Variants in PLSCR2 observed in about 807,000 individuals in gnomAD.
PLSCR2 encodes phospholipid scramblase 2.
In PLSCR2, 18 loss-of-function variants were observed where a neutral mutation model predicts 25.3. The observed-to-expected ratio is 0.71, with a 90% CI of 0.49 to 1.06. The LOEUF (loss-of-function observed/expected upper bound fraction) is 1.06, where lower values mean the gene tolerates loss of function less well. Among genes scored for constraint, PLSCR2 ranks in the 50% least tolerant of loss-of-function variants. The pLI is 0.00. For missense variants in PLSCR2, 243 were observed against 269.5 expected, an observed-to-expected ratio of 0.90 and a Z score of 0.69; for synonymous variants, 88 against 87.3, an observed-to-expected ratio of 1.01 and a Z score of -0.04.
intron 2 of PLSCR2, among the ~76,000 whole-genome samples, chr3:146,413,045 C>T (rs1417880664): frequency 1.3e-5 from 2 of 152,154 alleles, no homozygotes; most frequent in Non-Finnish European, 2.9e-5. Context: ...GAGAGCTGAA[C>T]ATACTAACAT....
chr3:146,479,872 TA>T (rs1275409036), intron 1 of PLSCR2, among the ~76,000 whole-genome samples: 1 of 152,110 alleles, frequency 6.6e-6, no homozygotes, highest in African/African-American at 2.4e-5. Context: ...AGAAGAGAAA[TA>T]ACAACCAACT....
intron 1 of PLSCR2, among the ~76,000 whole-genome samples, chr3:146,483,447 A>ACG (rs2043209017): frequency 1.8e-5 from 1 of 55,526 alleles, no homozygotes; most frequent in Non-Finnish European, 3.5e-5. Context: ...ATATATACAC[A>ACG]TGTATGTATA....
At chr3:146,449,442 A>G (rs561384466) in intron 5 of PLSCR2, 75 bp from the exon 6 acceptor site, 2 of 970,082 alleles carry the variant, frequency 2.1e-6, no homozygotes, top group East Asian at 2.4e-5. Context: ...CACTGGAGTA[A>G]AAGGAAGGAA....
intron 1 of PLSCR2, among the ~76,000 whole-genome samples, chr3:146,481,489 A>G (rs2043128341): frequency 6.6e-6 from 1 of 152,216 alleles, no homozygotes; most frequent in Non-Finnish European, 1.5e-5. Flanking sequence ...ATTGCTACAA[A>G]CAGAATAAAA....
At chr3:146,426,255 C>CTCCT (rs1319751260) in intron 2 of PLSCR2, among the ~76,000 whole-genome samples, 30 of 141,110 alleles carry the variant, frequency 2.1e-4, no homozygotes, top group African/African-American at 6.7e-4. Context: ...CCCTCTCTCC[C>CTCCT]TCCTTCCTTC....
chr3:146,478,509 T>A (rs2043008565), intron 1 of PLSCR2, among the ~76,000 whole-genome samples: 1 of 152,082 alleles, frequency 6.6e-6, no homozygotes, highest in South Asian at 2.1e-4. Flanking sequence ...GAAGATCAAA[T>A]TAATGAAATA....
chr3:146,429,868 G>A (rs1204227838), downstream of PLSCR2, among the ~76,000 whole-genome samples: 14 of 152,000 alleles, frequency 9.2e-5, no homozygotes, highest in African/African-American at 2.7e-4. Flanking sequence ...CGTGTGATCC[G>A]CCCACCTTGG....
chr3:146,452,988 A>G lies in PLSCR2; in HGVS notation c.483+1014T>C, dbSNP rs140203408. 5.7e-3 allele frequency among the ~76,000 whole-genome samples: 872 copies of G among 152,012 alleles called. 8 individuals are homozygous for G. The highest frequency in any genetic ancestry group is 0.02 in the African/African-American group (831 of 41,524). ...AATCATATATTTCATATACATATAT[A>G]TGTATCCCTTTATAAGAGCATTTTA... On this transcript the variant is annotated intron_variant, in intron 5 of 6. Transcript: ENST00000610787.
chr3:146,392,929 C>A (rs1224173310), intron 3 of PLSCR2, among the ~76,000 whole-genome samples: 4 of 144,610 alleles, frequency 2.8e-5, no homozygotes, highest in Admixed American at 1.4e-4. Context: ...ATAATTATAG[C>A]TATAGAGTTT....
At chr3:146,437,673 A>C (rs2039962866), downstream of PLSCR2, among the ~76,000 whole-genome samples, 1 of 151,104 alleles carries the variant, frequency 6.6e-6, no homozygotes, top group South Asian at 2.1e-4. Context: ...TTTCTTCTTT[A>C]TTAGTCTTGG....
chr3:146,465,156 C>T (rs1487467418), upstream of PLSCR2, among the ~76,000 whole-genome samples: 10 of 152,142 alleles, frequency 6.6e-5, no homozygotes, highest in Admixed American at 6.5e-4. Flanking sequence ...AACTAATCTA[C>T]CGTTAACTAA....
chr3:146,481,174 AGACAAT>A (rs2043116329), intron 1 of PLSCR2, among the ~76,000 whole-genome samples: 1 of 152,240 alleles, frequency 6.6e-6, no homozygotes, highest in South Asian at 2.1e-4. Context: ...AACTGGCACA[AGACAAT>A]GATGCCCTCT....
intron 1 of PLSCR2, among the ~76,000 whole-genome samples, chr3:146,490,548 T>G (rs2043510801): frequency 6.6e-6 from 1 of 152,174 alleles, no homozygotes; most frequent in Non-Finnish European, 1.5e-5. Flanking sequence ...GTTCCAGTGT[T>G]GGGTTTACAT....
At chr3:146,431,064 A>T (rs2039528244), downstream of PLSCR2, among the ~76,000 whole-genome samples, 1 of 152,142 alleles carries the variant, frequency 6.6e-6, no homozygotes, top group South Asian at 2.1e-4. Flanking sequence ...GCAGGAAAAG[A>T]AACTTCTCAC....
intron 2 of PLSCR2, among the ~76,000 whole-genome samples, chr3:146,405,579 T>C (rs974641462): frequency 6.6e-6 from 1 of 152,200 alleles, no homozygotes; most frequent in Non-Finnish European, 1.5e-5. Context: ...ACTGGTGTTT[T>C]TGGGGAATCA....
At chr3:146,470,122 TTTAAG>T (rs1292902090) in intron 1 of PLSCR2, among the ~76,000 whole-genome samples, 1 of 152,112 alleles carries the variant, frequency 6.6e-6, no homozygotes, top group Admixed American at 6.6e-5. Flanking sequence ...AAAAGGCATT[TTTAAG>T]TTAAGAGTGA....
At chr3:146,401,933 T>A (rs2038485278) in intron 2 of PLSCR2, among the ~76,000 whole-genome samples, 1 of 151,822 alleles carries the variant, frequency 6.6e-6, no homozygotes, top group African/African-American at 2.4e-5. Flanking sequence ...ATAAAAAAAA[T>A]TGTACTTACA....
chr3:146,455,908 A>G (rs1311067817), intron 3 of PLSCR2, among the ~76,000 whole-genome samples: 1 of 152,192 alleles, frequency 6.6e-6, no homozygotes, highest in Non-Finnish European at 1.5e-5. Flanking sequence ...AGTCATACTT[A>G]TGTCTTCTTT....
At chr3:146,489,965 A>G (rs940083793) in intron 1 of PLSCR2, among the ~76,000 whole-genome samples, 1 of 152,070 alleles carries the variant, frequency 6.6e-6, no homozygotes, top group Non-Finnish European at 1.5e-5. Flanking sequence ...TGCAAGGCAC[A>G]TTTACCCCAT....
Sources: allele counts gnomAD v4.1 joint callset (sites outside exome capture counted in the v4.1 genomes callset), GRCh38; gene constraint gnomAD v4.1.1; transcripts MANE v1.5; gene names NCBI Gene and HGNC (gene_info 2026-07-23, HGNC 2026-07-21).